The following PGM3 variants were observed in gnomAD, a reference collection of about 807,000 sequenced individuals.
PGM3 encodes phosphoglucomutase 3, also known as phosphoacetylglucosamine mutase.
In PGM3, 40 loss-of-function variants were observed where a neutral mutation model predicts 66.2. The observed-to-expected ratio is 0.60, with a 90% CI of 0.47 to 0.79. The LOEUF (loss-of-function observed/expected upper bound fraction) is 0.79, where lower values mean the gene tolerates loss of function less well. Ranked by LOEUF, PGM3 falls within the 30% of genes least tolerant of loss-of-function variation. PGM3 has a pLI of 0.00. For missense variants in PGM3, 537 were observed against 643.4 expected (o/e 0.83, Z 1.79); for synonymous variants, 191 against 224.2 (o/e 0.85, Z 1.32).
chr6:83,172,008 G>C lies in PGM3; in HGVS notation c.1294C>G (p.Leu432Val). The C allele has an allele frequency of 1.2e-6, 2 of 1,613,656 alleles. No individual in the cohort carries two copies. The highest frequency in any genetic ancestry group is 2.7e-5 in the African/African-American group (2 of 75,044). The change falls in exon 11 of 13, where the codon CTG becomes GTG. Residue 432 changes from leucine (L) to valine (V), a missense_variant. Transcript: ENST00000513973. ...CACTGTTGTACAGTCAAGCCCTTCA[G>C]AGCCAAGATTGCTTCAATCACCAGC... is the stretch of plus-strand genomic sequence containing the variant. ...DMLVIEAILA[L>V]KGLTVQQWDA...
intron 12 of PGM3, 58 bp from the exon 13 acceptor site, chr6:83,169,381 G>A (rs1383504509): frequency 1.3e-6 from 2 of 1,589,056 alleles, no homozygotes; most frequent in Non-Finnish European, 1.7e-6. Flanking sequence ...TCTAACATGG[G>A]CAAGACCATG....
chr6:83,181,393 C>T (rs1788165791), intron 6 of PGM3, among the ~76,000 whole-genome samples: 1 of 152,160 alleles, frequency 6.6e-6, no homozygotes, highest in African/African-American at 2.4e-5. Context: ...TATGCCAGAC[C>T]TCCAGAAACT....
chr6:83,170,027 GTATT>G (rs1265624421), intron 12 of PGM3, among the ~76,000 whole-genome samples: 2 of 152,184 alleles, frequency 1.3e-5, no homozygotes, highest in East Asian at 1.9e-4. Context: ...CATAAACTAA[GTATT>G]TATTAGTTAT....
At chr6:83,156,935 C>T (rs1045972237), downstream of PGM3, among the ~76,000 whole-genome samples, 8 of 152,144 alleles carry the variant, frequency 5.3e-5, no homozygotes, top group African/African-American at 1.9e-4. Flanking sequence ...TTAGAGTAAA[C>T]ATTTTAAACT....
chr6:83,154,087 G>A, the PGM3 span: 2 of 1,612,954 alleles, frequency 1.2e-6, no homozygotes, highest in South Asian at 2.2e-5. Flanking sequence ...GCACCTCACA[G>A]TCTGATGAAA....
chr6:83,156,058 A>G, the PGM3 span: 1 of 1,614,002 alleles, frequency 6.2e-7, no homozygotes, highest in Non-Finnish European at 8.5e-7. Flanking sequence ...TGCTATTTTT[A>G]GCAGTGAAAT....
At chr6:83,160,031 C>A, downstream of PGM3, 2 of 1,471,310 alleles carry the variant, frequency 1.4e-6, no homozygotes, top group Non-Finnish European at 9.3e-7. Flanking sequence ...ACATCTATGA[C>A]TAATTAAAAA....
intron 4 of PGM3, among the ~76,000 whole-genome samples, chr6:83,183,720 C>G (rs1036240096): frequency 6.6e-6 from 1 of 151,900 alleles, no homozygotes; most frequent in Non-Finnish European, 1.5e-5. Flanking sequence ...TCCAAAGGAA[C>G]TTTGTCATGA....
At chr6:83,164,349 G>A (rs554321855), downstream of PGM3, among the ~76,000 whole-genome samples, 14 of 151,692 alleles carry the variant, frequency 9.2e-5, no homozygotes, top group East Asian at 2.7e-3. Context: ...TAGGACTTTG[G>A]TACTTTCAAT....
the PGM3 span, chr6:83,152,359 C>A: frequency 1.3e-6 from 2 of 1,513,320 alleles, no homozygotes; most frequent in South Asian, 1.4e-5. Flanking sequence ...ATTGACATTA[C>A]TCTCTGAGGT....
chr6:83,173,296 C>A (rs1787449250), intron 10 of PGM3, among the ~76,000 whole-genome samples: 1 of 152,110 alleles, frequency 6.6e-6, no homozygotes, highest in East Asian at 1.9e-4. Flanking sequence ...AAAGGTATAA[C>A]AAAGAATACT....
chr6:83,152,058 C>A, the PGM3 span: 1 of 1,612,160 alleles, frequency 6.2e-7, no homozygotes, highest in African/African-American at 1.3e-5. Flanking sequence ...GGTTTATTAT[C>A]TGTAAGCAGG....
At chr6:83,192,131 T>TA (rs1243073265) in intron 1 of PGM3, among the ~76,000 whole-genome samples, 42 of 151,936 alleles carry the variant, frequency 2.8e-4, no homozygotes, top group African/African-American at 1.0e-3. Flanking sequence ...CCTGGCGTGG[T>TA]GGTGCGCGCC....
In PGM3 at chr6:83,170,782, C is replaced by T. The variant is rs1449387762; in HGVS notation, c.1366-304G>A. 3 of 221,802 alleles carry T rather than the reference C, an allele frequency of 1.4e-5. No individual in the cohort carries two copies. In the Admixed American group the frequency reaches 1.6e-4, roughly 12 times the overall value. The allele number at this position is 221,802 out of a possible 1,614,324, so 13.7% of individuals were successfully genotyped here. On this transcript the variant is annotated intron_variant, in intron 11 of 12. Coordinates refer to ENST00000513973, the MANE Select transcript of PGM3 (RefSeq NM_015599.3). ...ACACAAAAACAGGATAAGTGGTAGC[C>T]CATTATATAAGAAGACCGATAAGAA...
rs989909485 is a variant in PGM3, at chr6:83,183,093, C to A, written c.458-115G>T. ...ACAAATCCTTTTGTGTCATCTCAGA[C>A]ATCTTAGAAAACATAAAAATGATCT... On this transcript the variant is annotated intron_variant, in intron 4 of 12. Transcript: ENST00000513973. 37 of 911,792 alleles carry A rather than the reference C, an allele frequency of 4.1e-5. No individual in the cohort carries two copies. The Middle Eastern group carries it at 8.9e-4, about 22-fold the overall frequency. 56.5% of individuals were successfully genotyped at this position (911,792 alleles called of 1,614,324 possible). A position where few individuals can be genotyped will look rare whatever the true frequency, so the allele number is the denominator to read the frequency against.
intron 4 of PGM3, among the ~76,000 whole-genome samples, chr6:83,186,120 A>G (rs997547192): frequency 3.9e-5 from 6 of 152,194 alleles, no homozygotes; most frequent in Non-Finnish European, 5.9e-5. Flanking sequence ...CACTCTGTAC[A>G]TCGTATCATG....
chr6:83,176,289 T>C (rs571438921), intron 8 of PGM3, among the ~76,000 whole-genome samples: 2 of 152,286 alleles, frequency 1.3e-5, no homozygotes. Context: ...AGGGTCTCCT[T>C]ATAAGACACG....
chr6:83,186,976 A>G (rs1788628802), intron 4 of PGM3, 32 bp downstream of exon 4: 1 of 1,188,680 alleles, frequency 8.4e-7, no homozygotes. Context: ...TTTAAATATT[A>G]GTTTAATTTC....
intron 3 of PGM3, 135 bp from the exon 4 acceptor site, chr6:83,187,210 G>A (rs920755491): frequency 1.9e-6 from 1 of 539,298 alleles, no homozygotes. Context: ...TGAAAGCTAT[G>A]AACTCTCAAG....
Sources: gnomAD v4.1 joint callset for allele counts (sites outside exome capture counted in the v4.1 genomes callset) on GRCh38, gnomAD v4.1.1 for gene constraint, MANE v1.5 for transcripts, NCBI Gene and HGNC (gene_info 2026-07-23, HGNC 2026-07-21) for gene names.